The following PCDHGA8 variants were observed in gnomAD, a reference collection of about 807,000 sequenced individuals.
PCDHGA8 encodes protocadherin gamma subfamily A, 8, also known as protocadherin gamma-A8.
PCDHGA8 carries 45 observed loss-of-function variants against 59.2 expected under a neutral mutation model. The observed-to-expected ratio is 0.76, with a 90% CI of 0.60 to 0.98. The LOEUF (loss-of-function observed/expected upper bound fraction) is 0.98, where lower values mean the gene tolerates loss of function less well. Ranked by LOEUF, PCDHGA8 falls within the 50% of genes least tolerant of loss-of-function variation. The pLI, the probability that PCDHGA8 is intolerant of heterozygous loss-of-function variation, is 0.00. For missense variants in PCDHGA8, 1,257 were observed against 1,196.2 expected, an observed-to-expected ratio of 1.05 and a Z score of -0.75; for synonymous variants, 531 against 519.0, an observed-to-expected ratio of 1.02 and a Z score of -0.32.
At chr5:141,408,297 C>G in intron 1 of PCDHGA8, 1 of 1,613,652 alleles carries the variant, frequency 6.2e-7, no homozygotes, top group East Asian at 2.2e-5. Flanking sequence ...CTGAGTGAGC[C>G]GATCCGCTAC....
intron 1 of PCDHGA8, among the ~76,000 whole-genome samples, chr5:141,466,506 G>A (rs1417729031): frequency 6.6e-6 from 1 of 152,156 alleles, no homozygotes; most frequent in Non-Finnish European, 1.5e-5. Context: ...GCACAGACAA[G>A]ATCATTTTTT....
chr5:141,421,365 G>A (rs1189449968), intron 1 of PCDHGA8: 2 of 1,614,026 alleles, frequency 1.2e-6, no homozygotes, highest in South Asian at 1.1e-5. Flanking sequence ...GCTCCTTCGT[G>A]GGCAATATCT....
At position 141,487,219 on chromosome 5, in the gene PCDHGA8, A is replaced by G. The variant is rs750819958; in HGVS notation, c.2425-7588A>G. ...CAGATCTTCGAGAATCTTCAGCTCC[A>G]AGGGAAGGAGAATCTCGTCTAACCC... On this transcript the variant is annotated intron_variant, in intron 1 of 3. Transcript: ENST00000398604. This position sits in a 1 kb window ranked among gnomAD's most constrained non-coding sequence, Gnocchi z 5.0. The G allele has an allele frequency of 1.2e-6, 2 of 1,613,952 alleles. No individual in the cohort carries two copies. The highest frequency in any genetic ancestry group is 3.3e-5 in the Admixed American group (2 of 60,020).
At position 141,485,287 on chromosome 5, in the gene PCDHGA8, G is replaced by A. The variant is rs1396496143; in HGVS notation, c.2425-9520G>A. 5.0e-6 allele frequency: 8 copies of A among 1,614,064 alleles called. No individual in the cohort carries two copies. The highest frequency in any genetic ancestry group is 6.8e-6 in the Non-Finnish European group (8 of 1,180,002). On this transcript the variant is annotated intron_variant, in intron 1 of 3. Transcript: ENST00000398604. The surrounding 1 kb of genome is among the most constrained non-coding windows in gnomAD (Gnocchi z 5.7). ...AGATCCGCTACCCGGTCCCAGAGGA[G>A]TCACAGGAAGGGACTTTTGTAGGGA...
intron 1 of PCDHGA8, chr5:141,422,570 A>G: frequency 6.2e-7 from 1 of 1,614,012 alleles, no homozygotes; most frequent in African/African-American, 1.3e-5. Flanking sequence ...GATGACAACG[A>G]TAACCCTCCC....
In PCDHGA8 at chr5:141,511,477, C is replaced by A; in HGVS notation, c.*304C>A. 2.1e-6 allele frequency: 1 copy of A among 482,262 alleles called. No homozygotes were observed. The allele number at this position is 482,262 out of a possible 1,614,324, so 29.9% of individuals were successfully genotyped here. A position where few individuals can be genotyped will look rare whatever the true frequency, so the allele number is the denominator to read the frequency against. On this transcript the variant is annotated 3_prime_UTR_variant, in exon 4 of 4. Coordinates refer to ENST00000398604, the MANE Select transcript of PCDHGA8 (RefSeq NM_032088.2). ...TTTGCCACACCCCGTTTAGTTACAG[C>A]TGAACTCCTCCATCTTCCAAATCAA...
Position 141,417,741 on chromosome 5 carries a change from A to G in PCDHGA8, c.2424+22504A>G, listed in dbSNP as rs1035037382. ...CTGCGCAGACCTTGCCCAGCACACCAGATTGCCAGCTCCGAGACCCGGGAC... is the reference window on the plus strand; with the variant it reads ...CTGCGCAGACCTTGCCCAGCACACCGGATTGCCAGCTCCGAGACCCGGGAC... On this transcript the variant is annotated intron_variant, in intron 1 of 3. Coordinates refer to ENST00000398604, the MANE Select transcript of PCDHGA8 (RefSeq NM_032088.2). The G allele has an allele frequency of 1.7e-5, 24 of 1,413,756 alleles. No individual in the cohort carries two copies. The African/African-American group carries it at 1.7e-4, about 10-fold the overall frequency. The allele number at this position is 1,413,756 out of a possible 1,614,324, so 87.6% of individuals were successfully genotyped here.
At chr5:141,500,455 C>T (rs1254764658) in intron 2 of PCDHGA8, among the ~76,000 whole-genome samples, 4 of 151,986 alleles carry the variant, frequency 2.6e-5, no homozygotes, top group Non-Finnish European at 5.9e-5. Context: ...GTGATCCGCC[C>T]GCCTCGGCCT....
At chr5:141,407,117 C>T (rs1412216570) in intron 1 of PCDHGA8, among the ~76,000 whole-genome samples, 1 of 152,098 alleles carries the variant, frequency 6.6e-6, no homozygotes, top group African/African-American at 2.4e-5. Flanking sequence ...ATTTGGGTTT[C>T]AGTTGCTTTA....
intron 1 of PCDHGA8, chr5:141,404,648 G>A (rs1178706213): frequency 6.2e-7 from 1 of 1,614,030 alleles, no homozygotes; most frequent in Non-Finnish European, 8.5e-7. Context: ...CCTGTACCCT[G>A]CCCTCCCCAC....
chr5:141,433,358 CCTATCTAT>C lies in PCDHGA8; in HGVS notation c.2424+38162_2424+38169del, dbSNP rs3074541. On this transcript the variant is annotated intron_variant, in intron 1 of 3. Transcript: ENST00000398604. ...ACAGGTGCAAGCCACCTACTGTCTG[CCTATCTAT>C]CTATCTATCTATCTATCTATCTATC... is the stretch of plus-strand genomic sequence containing the variant. The C allele has an allele frequency of 7.0e-3, 3,504 of 501,060 alleles. 20 individuals carry two copies. The highest frequency in any genetic ancestry group is 7.9e-3 in the Non-Finnish European group (2,251 of 285,142). The allele number at this position is 501,060 out of a possible 1,614,324, so 31.0% of individuals were successfully genotyped here.
chr5:141,476,053 A>G lies in PCDHGA8; in HGVS notation c.2425-18754A>G. 2 of 1,501,944 alleles carry G rather than the reference A, an allele frequency of 1.3e-6. No homozygotes were observed. Among genetic ancestry groups the G allele is most frequent in the Non-Finnish European group, 1.8e-6 (2 of 1,131,392 alleles). 93.0% of individuals were successfully genotyped at this position (1,501,944 alleles called of 1,614,324 possible). ...CAGCGCCCAAGCGCTAACCCGCTGA[A>G]AGTTTCTCAGCGAAATCTCAGGGAC... On this transcript the variant is annotated intron_variant, in intron 1 of 3. Coordinates refer to ENST00000398604, the MANE Select transcript of PCDHGA8 (RefSeq NM_032088.2). The surrounding 1 kb of genome is among the most constrained non-coding windows in gnomAD (Gnocchi z 7.6).
At chr5:141,418,310 G>A in intron 1 of PCDHGA8, 1 of 1,613,990 alleles carries the variant, frequency 6.2e-7, no homozygotes, top group Non-Finnish European at 8.5e-7. Context: ...CCTGGGGATG[G>A]GAACAATTCT....
intron 1 of PCDHGA8, among the ~76,000 whole-genome samples, chr5:141,425,778 C>G (rs2096893107): frequency 6.6e-6 from 1 of 152,160 alleles, no homozygotes; most frequent in African/African-American, 2.4e-5. Flanking sequence ...AAGACTTTGC[C>G]TAGTTCTTCC....
intron 3 of PCDHGA8, among the ~76,000 whole-genome samples, chr5:141,506,282 C>G (rs1422321122): frequency 6.6e-6 from 1 of 152,040 alleles, no homozygotes; most frequent in East Asian, 1.9e-4. Flanking sequence ...AACCCTGTCT[C>G]TACTAAAAAT....
At chr5:141,483,242 C>T (rs2099578681) in intron 1 of PCDHGA8, among the ~76,000 whole-genome samples, 1 of 151,558 alleles carries the variant, frequency 6.6e-6, no homozygotes, top group African/African-American at 2.4e-5. Flanking sequence ...AACTGATATG[C>T]ATATATCATG....
Position 141,505,424 on chromosome 5 carries a change from C to T in PCDHGA8, c.2515C>T (p.Pro839Ser), listed in dbSNP as rs1422538114. The T allele has an allele frequency of 1.2e-6, 2 of 1,614,200 alleles. No individual in the cohort carries two copies. Among genetic ancestry groups the T allele is most frequent in the Non-Finnish European group, 1.7e-6 (2 of 1,180,028 alleles). Residue 839 changes from proline (P) to serine (S), a missense_variant, in exon 3 of 4, where the codon CCC (proline) becomes TCC (serine). Pro to Ser is a moderately conservative substitution (Grantham distance 74). Transcript: ENST00000398604. ...AAATGGCGATGACACCGGCACCTGG[C>T]CCAACAACCAGTTTGACACAGAGAT... is the stretch of plus-strand genomic sequence containing the variant. ...SQNGDDTGTW[P>S]NNQFDTEMLQ...
intron 1 of PCDHGA8, chr5:141,415,791 CCTAGTCTCAA>C: frequency 2.2e-6 from 3 of 1,341,938 alleles, no homozygotes; most frequent in Non-Finnish European, 1.9e-6. Flanking sequence ...GTAAAATTCA[CCTAGTCTCAA>C]TCAAGGCCTA....
In PCDHGA8 at chr5:141,491,893, G is replaced by A; in HGVS notation, c.2425-2914G>A. The stretch of plus-strand genomic sequence containing the variant: ...GGCCGATTAAGGGATGGGGCTCCGA[G>A]CACCGGGGGTGGTGGCGACTGTGGG... On this transcript the variant is annotated intron_variant, in intron 1 of 3. Transcript: ENST00000398604. This position sits in a 1 kb window ranked among gnomAD's most constrained non-coding sequence, Gnocchi z 6.9. 9 of 1,438,856 alleles carry A rather than the reference G, an allele frequency of 6.3e-6. No individual in the cohort carries two copies. Among genetic ancestry groups the A allele is most frequent in the Non-Finnish European group, 8.3e-6 (9 of 1,088,104 alleles). 89.1% of individuals were successfully genotyped at this position (1,438,856 alleles called of 1,614,324 possible). A position where few individuals can be genotyped will look rare whatever the true frequency, so the allele number is the denominator to read the frequency against.
Sources: allele counts gnomAD v4.1 joint callset (sites outside exome capture counted in the v4.1 genomes callset), GRCh38; gene constraint gnomAD v4.1.1; non-coding constraint Gnocchi (gnomAD v3.1); transcripts MANE v1.5; gene names NCBI Gene and HGNC (gene_info 2026-07-23, HGNC 2026-07-21).